The following OPCML variants were observed in gnomAD, a reference collection of about 807,000 sequenced individuals.
The protein encoded by OPCML is opioid binding protein/cell adhesion molecule like.
OPCML carries 13 observed loss-of-function variants against 37.8 expected under a neutral mutation model. The observed-to-expected ratio is 0.34, with a 90% CI of 0.22 to 0.55. The LOEUF (loss-of-function observed/expected upper bound fraction) is 0.55, where lower values mean the gene tolerates loss of function less well. Among genes scored for constraint, OPCML ranks in the 20% least tolerant of loss-of-function variants. The probability of loss-of-function intolerance (pLI) is 0.91; values close to 1 mark genes in which losing one functional copy is unlikely to be tolerated. For synonymous variants in OPCML, 176 were observed against 168.8 expected (o/e 1.04, Z -0.33); for missense variants, 341 against 435.6 (o/e 0.78, Z 1.93).
chr11:132,876,285 G>C (rs1199063562), intron 2 of OPCML, among the ~76,000 whole-genome samples: 1 of 152,128 alleles, frequency 6.6e-6, no homozygotes, highest in Non-Finnish European at 1.5e-5. Context: ...GCAATTTGAG[G>C]GCAGACATAT....
At chr11:132,923,079 A>AAATAAAT (rs1565967277) in intron 2 of OPCML, among the ~76,000 whole-genome samples, 1,632 of 146,072 alleles carry the variant, frequency 0.011, 43 homozygotes, top group African/African-American at 0.04. Flanking sequence ...GTCTCAGAAA[A>AAATAAAT]AAATAAATAA....
At chr11:133,012,209 C>T (rs781672503) in intron 1 of OPCML, among the ~76,000 whole-genome samples, 1 of 152,104 alleles carries the variant, frequency 6.6e-6, no homozygotes, top group Non-Finnish European at 1.5e-5. Flanking sequence ...TCCCATAATA[C>T]ATAGGACAGC....
intron 1 of OPCML, among the ~76,000 whole-genome samples, chr11:132,976,192 C>T (rs1946459454): frequency 6.6e-6 from 1 of 152,022 alleles, no homozygotes; most frequent in Admixed American, 6.6e-5. Context: ...GGTAGAAATG[C>T]CAGCAATTTC....
intron 2 of OPCML, among the ~76,000 whole-genome samples, chr11:132,829,760 T>A (rs1304777449): frequency 1.3e-5 from 2 of 152,202 alleles, no homozygotes; most frequent in Non-Finnish European, 2.9e-5. Flanking sequence ...CTGGTTATAG[T>A]CAAAATCCAT....
intron 4 of OPCML, among the ~76,000 whole-genome samples, chr11:132,478,384 T>G (rs1226877503): frequency 6.6e-6 from 1 of 152,106 alleles, no homozygotes; most frequent in Non-Finnish European, 1.5e-5. Flanking sequence ...GCTTAATAAG[T>G]GCAGTGTATG....
intron 3 of OPCML, among the ~76,000 whole-genome samples, chr11:132,552,915 G>A (rs568965448): frequency 1.8e-3 from 279 of 151,710 alleles, no homozygotes; most frequent in African/African-American, 6.3e-3. Flanking sequence ...ACAGGTGCCC[G>A]CCACCATGCC....
chr11:133,461,035 A>G (rs779996541), intron 1 of OPCML, among the ~76,000 whole-genome samples: 3 of 151,904 alleles, frequency 2.0e-5, no homozygotes, highest in Non-Finnish European at 4.4e-5. Context: ...AAAATTTAGC[A>G]TTATTTCATG....
At chr11:132,513,445 C>A (rs558457363) in intron 4 of OPCML, among the ~76,000 whole-genome samples, 11 of 152,146 alleles carry the variant, frequency 7.2e-5, no homozygotes, top group Admixed American at 2.0e-4. Context: ...GTTTTCTTAG[C>A]GGGTGTGATC....
chr11:132,960,514 G>T (rs1437581746), intron 1 of OPCML, among the ~76,000 whole-genome samples: 1 of 152,166 alleles, frequency 6.6e-6, no homozygotes, highest in African/African-American at 2.4e-5. Context: ...AAAAGCACAG[G>T]CTGCTTCAGT....
chr11:133,427,718 T>C (rs1002095271), intron 1 of OPCML, among the ~76,000 whole-genome samples: 8 of 151,930 alleles, frequency 5.3e-5, no homozygotes, highest in African/African-American at 1.9e-4. Flanking sequence ...AACTATCAAG[T>C]TTTTTTTAAA....
intron 7 of OPCML, among the ~76,000 whole-genome samples, chr11:132,423,273 C>T (rs562298199): frequency 3.9e-5 from 6 of 152,260 alleles, no homozygotes; most frequent in African/African-American, 1.2e-4. Flanking sequence ...CCTGCTTTGT[C>T]GTATCAAATG....
At chr11:133,495,477 A>C (rs1947765351) in intron 1 of OPCML, among the ~76,000 whole-genome samples, 1 of 152,208 alleles carries the variant, frequency 6.6e-6, no homozygotes, top group African/African-American at 2.4e-5. Flanking sequence ...AGGAATCTCC[A>C]CACTGTTTTC....
intron 1 of OPCML, among the ~76,000 whole-genome samples, chr11:133,383,476 C>T (rs1401995294): frequency 3.3e-5 from 5 of 152,124 alleles, no homozygotes; most frequent in Non-Finnish European, 5.9e-5. Context: ...ACATGAGACA[C>T]GAACTCCCCT....
At chr11:132,870,863 G>A (rs373200651) in intron 2 of OPCML, among the ~76,000 whole-genome samples, 3 of 152,116 alleles carry the variant, frequency 2.0e-5, no homozygotes, top group Middle Eastern at 3.2e-3. Context: ...ACAAAAGTAG[G>A]GAGTAAAATG....
chr11:133,522,721 G>A (rs1249229992), intron 1 of OPCML, among the ~76,000 whole-genome samples: 2 of 152,152 alleles, frequency 1.3e-5, no homozygotes, highest in Non-Finnish European at 2.9e-5. Context: ...TCAAGAGGGG[G>A]CTCAGTCACT....
intron 1 of OPCML, among the ~76,000 whole-genome samples, chr11:133,357,268 C>G (rs1295771178): frequency 6.6e-6 from 1 of 152,166 alleles, no homozygotes; most frequent in African/African-American, 2.4e-5. Context: ...GGGTTCAAAC[C>G]TGATTCTCCT....
intron 3 of OPCML, among the ~76,000 whole-genome samples, chr11:132,609,549 C>T (rs548973049): frequency 6.6e-6 from 1 of 152,160 alleles, no homozygotes; most frequent in Non-Finnish European, 1.5e-5. Flanking sequence ...AGCCTTTGCA[C>T]GGAGTGCTGT....
chr11:132,661,540 G>T (rs1209150971), intron 2 of OPCML, among the ~76,000 whole-genome samples: 1 of 152,156 alleles, frequency 6.6e-6, no homozygotes, highest in Admixed American at 6.5e-5. Context: ...GCTGTCTGTG[G>T]CCGTGTCCTG....
At chr11:132,698,003 TTTATTTA>T (rs1943662338) in intron 2 of OPCML, among the ~76,000 whole-genome samples, 2 of 148,356 alleles carry the variant, frequency 1.3e-5, no homozygotes, top group South Asian at 2.1e-4. Context: ...TATTTATTTA[TTTATTTA>T]TTTATTTATT....
Sources: gnomAD v4.1 joint callset for allele counts (sites outside exome capture counted in the v4.1 genomes callset) on GRCh38, gnomAD v4.1.1 for gene constraint, MANE v1.5 for transcripts, NCBI Gene and HGNC (gene_info 2026-07-23, HGNC 2026-07-21) for gene names.